The following CPD variants were observed in gnomAD, a reference collection of about 807,000 sequenced individuals.
CPD encodes metallocarboxypeptidase D.
Under a neutral mutation model 138.3 loss-of-function variants are expected in CPD, and 69 were observed. The observed-to-expected ratio is 0.50, with a 90% CI of 0.41 to 0.61. The LOEUF (loss-of-function observed/expected upper bound fraction) is 0.61, where lower values mean the gene tolerates loss of function less well. Among genes scored for constraint, CPD ranks in the 20% least tolerant of loss-of-function variants. The pLI is 0.00. For synonymous variants in CPD, 651 were observed against 642.1 expected (o/e 1.01, Z -0.21); for missense variants, 1,432 against 1,733.3 (o/e 0.83, Z 3.09).
In CPD at chr17:30,445,762, G is replaced by T. The variant is rs766518499; in HGVS notation, c.2615G>T (p.Arg872Leu). 1 of 1,613,850 alleles carries T rather than the reference G, an allele frequency of 6.2e-7. No homozygotes were observed. Among genetic ancestry groups the T allele is most frequent in the Non-Finnish European group, 8.5e-7 (1 of 1,179,934 alleles). The change falls in exon 12 of 21, where the codon CGA becomes CTA. Residue 872 changes from arginine to leucine, a missense_variant. Transcript: ENST00000225719. ...GAIQVNFTLV[R>L]SSTDSNNESK... ...ATTCAGGTCAACTTCACACTTGTTC[G>T]ATCCTCAACAGATTCAAACAATGAA...
chr17:30,378,988 G>A lies in CPD; in HGVS notation c.8G>A (p.Ser3Asn). The change falls in exon 1 of 21, where the codon AGC (serine) becomes AAC (asparagine). Residue 3 changes from serine to asparagine, a missense_variant. Ser to Asn is a conservative substitution (Grantham distance 46). Coordinates refer to ENST00000225719, the MANE Select transcript of CPD (RefSeq NM_001304.5). MA[S>N]GRDERPPWRL... is the part of the protein sequence containing the mutation. Reference sequence around the variant, plus strand: ...TAGCGGCGCTGCTGGAAGATGGCGAGCGGCCGGGACGAGCGGCCGCCTTGG... The same window carrying A: ...TAGCGGCGCTGCTGGAAGATGGCGAACGGCCGGGACGAGCGGCCGCCTTGG... The A allele has an allele frequency of 6.5e-7, 1 of 1,534,386 alleles. No individual in the cohort carries two copies. Among genetic ancestry groups the A allele is most frequent in the South Asian group, 1.2e-5 (1 of 84,238 alleles).
rs575917606 is a variant in CPD at position 30,434,988 on chromosome 17, G to A, written c.2127+3107G>A. ...AGACACTAAGGAGACCCTACCATTAGCAAAAAATAATCGAGAAGCAGAAGA... is the reference window on the plus strand; with the variant it reads ...AGACACTAAGGAGACCCTACCATTAACAAAAAATAATCGAGAAGCAGAAGA... On this transcript the variant is annotated intron_variant, in intron 8 of 20. Transcript: ENST00000225719. Among the ~76,000 whole-genome samples the A allele has an allele frequency of 3.3e-5, 5 of 152,146 alleles. No homozygotes were observed. The East Asian group carries it at 7.7e-4, about 24-fold the overall frequency.
At chr17:30,415,044 G>A (rs1322389048) in intron 2 of CPD, among the ~76,000 whole-genome samples, 2 of 152,076 alleles carry the variant, frequency 1.3e-5, no homozygotes, top group East Asian at 1.9e-4. Context: ...TAAGAGAAGA[G>A]GACCAAAGGC....
intron 2 of CPD, among the ~76,000 whole-genome samples, chr17:30,397,561 G>T (rs897624689): frequency 6.6e-6 from 1 of 151,568 alleles, no homozygotes; most frequent in African/African-American, 2.4e-5. Context: ...AGTGAGATAT[G>T]TCTCTACAAA....
At chr17:30,394,549 C>T (rs1339266693) in intron 2 of CPD, among the ~76,000 whole-genome samples, 1 of 152,084 alleles carries the variant, frequency 6.6e-6, no homozygotes, top group African/African-American at 2.4e-5. Context: ...CAGTGTAGTG[C>T]TATTCGTTTT....
intron 2 of CPD, among the ~76,000 whole-genome samples, chr17:30,417,785 A>C (rs1912151547): frequency 6.6e-6 from 1 of 152,154 alleles, no homozygotes; most frequent in Non-Finnish European, 1.5e-5. Flanking sequence ...TCTATTCATC[A>C]TACTACTTTT....
chr17:30,447,309 G>A (rs1913057709), intron 12 of CPD, among the ~76,000 whole-genome samples: 1 of 152,106 alleles, frequency 6.6e-6, no homozygotes, highest in South Asian at 2.1e-4. Flanking sequence ...ATGGTTTTAG[G>A]TCTAACATGT....
intron 1 of CPD, 71 bp from the exon 2 acceptor site, chr17:30,384,918 G>A (rs1182412651): frequency 6.6e-7 from 1 of 1,524,114 alleles, no homozygotes; most frequent in Non-Finnish European, 8.9e-7. Flanking sequence ...AAAAGATTTT[G>A]TGGAATTTTT....
intron 2 of CPD, among the ~76,000 whole-genome samples, chr17:30,399,711 CT>C (rs1438324382): frequency 6.6e-6 from 1 of 151,966 alleles, no homozygotes; most frequent in African/African-American, 2.4e-5. Context: ...AGTTTCTGAC[CT>C]GGTGCGGTGG....
chr17:30,447,078 C>T lies in CPD; in HGVS notation c.2873+1058C>T, dbSNP rs573437579. 1.7e-3 allele frequency among the ~76,000 whole-genome samples: 262 copies of T among 152,226 alleles called. 1 individual carries two copies. The highest frequency in any genetic ancestry group is 6.0e-3 in the African/African-American group (248 of 41,526). On this transcript the variant is annotated intron_variant, in intron 12 of 20. Coordinates refer to ENST00000225719, the MANE Select transcript of CPD (RefSeq NM_001304.5). ...TCTTTGTAGATTCTGGATATTAGCC[C>T]TTTGTCAGATGAGTAGATTGCAAAA...
intron 2 of CPD, among the ~76,000 whole-genome samples, chr17:30,390,170 C>A (rs1387541689): frequency 6.6e-6 from 1 of 151,994 alleles, no homozygotes; most frequent in African/African-American, 2.4e-5. Context: ...GTGTGTGCCA[C>A]CATGCTGGCT....
intron 2 of CPD, among the ~76,000 whole-genome samples, chr17:30,414,980 C>G (rs929218213): frequency 2.7e-5 from 3 of 110,914 alleles, no homozygotes; most frequent in Non-Finnish European, 5.6e-5. Context: ...CCCTGTAGAT[C>G]ATGTTTAAAA....
At chr17:30,463,419 G>T (rs1913547290) in intron 20 of CPD, among the ~76,000 whole-genome samples, 1 of 152,190 alleles carries the variant, frequency 6.6e-6, no homozygotes, top group African/African-American at 2.4e-5. Flanking sequence ...ATGAAGAGTT[G>T]TTGAATGAAT....
At chr17:30,382,989 T>C (rs1453657830) in intron 1 of CPD, among the ~76,000 whole-genome samples, 2 of 152,210 alleles carry the variant, frequency 1.3e-5, no homozygotes, top group Non-Finnish European at 2.9e-5. Context: ...AGCCTTCTTA[T>C]AACTTTCCCA....
At chr17:30,434,332 C>T (rs1912644759) in intron 8 of CPD, among the ~76,000 whole-genome samples, 1 of 152,098 alleles carries the variant, frequency 6.6e-6, no homozygotes, top group Non-Finnish European at 1.5e-5. Context: ...TATCATGCAC[C>T]TACCCCACCT....
intron 14 of CPD, among the ~76,000 whole-genome samples, chr17:30,452,160 C>G (rs1913182337): frequency 6.6e-6 from 1 of 152,176 alleles, no homozygotes; most frequent in Admixed American, 6.5e-5. Context: ...GCACAACACA[C>G]ACGTATGTAT....
At chr17:30,452,342 A>C (rs1178777123) in intron 14 of CPD, among the ~76,000 whole-genome samples, 3 of 150,624 alleles carry the variant, frequency 2.0e-5, no homozygotes, top group Non-Finnish European at 4.4e-5. Context: ...GCAATGGTAC[A>C]ATCTTGGCTC....
chr17:30,448,604 T>G (rs1039185446), intron 12 of CPD, among the ~76,000 whole-genome samples: 1 of 152,164 alleles, frequency 6.6e-6, no homozygotes, highest in African/African-American at 2.4e-5. Flanking sequence ...ATGATTATTT[T>G]TTTCTGTCCA....
At chr17:30,430,635 G>T (rs560050791) in intron 7 of CPD, among the ~76,000 whole-genome samples, 3 of 152,094 alleles carry the variant, frequency 2.0e-5, no homozygotes, top group African/African-American at 7.2e-5. Context: ...ATCTATTTGA[G>T]TTCCTGTTTT....
Sources: allele counts gnomAD v4.1 joint callset (sites outside exome capture counted in the v4.1 genomes callset), GRCh38; gene constraint gnomAD v4.1.1; transcripts MANE v1.5; gene names NCBI Gene and HGNC (gene_info 2026-07-23, HGNC 2026-07-21).